The following BPHL variants were observed in gnomAD, a reference collection of about 807,000 sequenced individuals.
The protein encoded by BPHL is biphenyl hydrolase like.
Under a neutral mutation model 31.2 loss-of-function variants are expected in BPHL, and 27 were observed. That is an observed-to-expected ratio of 0.87 (90% CI 0.64 to 1.19). BPHL has a LOEUF of 1.19. Among genes scored for constraint, BPHL ranks in the 50% most tolerant of loss-of-function variants. The pLI is 0.00. For synonymous variants in BPHL, 150 were observed against 146.8 expected, an observed-to-expected ratio of 1.02 and a Z score of -0.16; for missense variants, 356 against 375.7, an observed-to-expected ratio of 0.95 and a Z score of 0.43.
At chr6:3,126,121 C>A (rs932051335) in intron 2 of BPHL, among the ~76,000 whole-genome samples, 10 of 152,168 alleles carry the variant, frequency 6.6e-5, no homozygotes, top group Non-Finnish European at 1.5e-4. Context: ...TCATACTGTT[C>A]TGATGAAACT....
At chr6:3,146,255 C>T (rs1174912603) in intron 6 of BPHL, among the ~76,000 whole-genome samples, 6 of 12,228 alleles carry the variant, frequency 4.9e-4, no homozygotes, top group African/African-American at 8.6e-4. Context: ...TGATTCGGGT[C>T]GGAGTGCTGG....
chr6:3,143,035 A>G (rs921637259), intron 6 of BPHL, among the ~76,000 whole-genome samples: 1 of 152,166 alleles, frequency 6.6e-6, no homozygotes, highest in African/African-American at 2.4e-5. Context: ...CCTGGCCATC[A>G]TGGTGAAACC....
intron 1 of BPHL, among the ~76,000 whole-genome samples, chr6:3,122,721 A>T (rs1270086807): frequency 6.6e-6 from 1 of 152,174 alleles, no homozygotes; most frequent in Non-Finnish European, 1.5e-5. Context: ...AGGCTTATGG[A>T]CAGGGCTACT....
At chr6:3,128,810 G>T (rs766362196) in intron 3 of BPHL, among the ~76,000 whole-genome samples, 3 of 152,242 alleles carry the variant, frequency 2.0e-5, no homozygotes, top group African/African-American at 7.2e-5. Flanking sequence ...ACCAGAAGAT[G>T]TAGTTCCCTC....
intron 4 of BPHL, among the ~76,000 whole-genome samples, chr6:3,136,586 G>A (rs542009947): frequency 1.3e-3 from 205 of 152,314 alleles, no homozygotes; most frequent in African/African-American, 4.6e-3. Context: ...GACGTTGTCC[G>A]GGACTCTGTA....
At chr6:3,143,403 TTCTC>T (rs1308602899) in intron 6 of BPHL, among the ~76,000 whole-genome samples, 3 of 152,214 alleles carry the variant, frequency 2.0e-5, no homozygotes, top group Non-Finnish European at 2.9e-5. Context: ...ATTTGTCTCT[TTCTC>T]TCTTCTCTCT....
At position 3,140,541 on chromosome 6, in the gene BPHL, C is replaced by T. The variant is rs781591140; in HGVS notation, c.788+32C>T. The T allele has an allele frequency of 1.6e-5, 26 of 1,610,610 alleles. No homozygotes were observed. The East Asian group carries it at 4.5e-4, about 28-fold the overall frequency. On this transcript the variant is annotated intron_variant, in intron 6 of 6. Transcript: ENST00000380379. This position sits in a 1 kb window ranked among gnomAD's most constrained non-coding sequence, Gnocchi z 5.2. ...CCTGTCACCGCCTTCACACTCCCCCCGAGAGCCTCGGAGTCAATGGGCAAA... is the reference window on the plus strand; with the variant it reads ...CCTGTCACCGCCTTCACACTCCCCCTGAGAGCCTCGGAGTCAATGGGCAAA...
chr6:3,129,159 A>G lies in BPHL; in HGVS notation c.493A>G (p.Asn165Asp), dbSNP rs145084310. The change falls in exon 4 of 7, where the codon AAC (asparagine) becomes GAC (aspartate). Residue 165 changes from asparagine (N) to aspartate (D), a missense_variant. Asn to Asp is a conservative substitution (Grantham distance 23, BLOSUM62 1). Transcript: ENST00000380379. ...CCACAAGATGGTGATCTGGGGCGCC[A>G]ACGCCTACGTCACTGACGAAGACAG... ...YIHKMVIWGA[N>D]AYVTDEDSMI... 405 of 1,609,418 alleles carry G rather than the reference A, an allele frequency of 2.5e-4. No homozygotes were observed. The highest frequency in any genetic ancestry group is 3.3e-4 in the Non-Finnish European group (389 of 1,177,376).
intron 1 of BPHL, among the ~76,000 whole-genome samples, chr6:3,123,043 G>A (rs769682276): frequency 1.3e-5 from 2 of 152,248 alleles, no homozygotes; most frequent in Non-Finnish European, 2.9e-5. Context: ...CCAGCTCACC[G>A]GCGTGTGCCA....
chr6:3,118,716 C>T lies in BPHL; in HGVS notation c.-25C>T. ...CGCTTGGTCTTAGCGCATGCGCACT[C>T]CCGGCAGCTACGCGACCTGTGACCA... On this transcript the variant is annotated 5_prime_UTR_variant, in exon 1 of 7. Transcript: ENST00000380379. 1.6e-6 allele frequency: 2 copies of T among 1,255,738 alleles called. No individual in the cohort carries two copies. Among genetic ancestry groups the T allele is most frequent in the South Asian group, 3.5e-5 (1 of 28,184 alleles). 77.8% of individuals were successfully genotyped at this position (1,255,738 alleles called of 1,614,324 possible).
intron 4 of BPHL, among the ~76,000 whole-genome samples, chr6:3,135,838 C>T (rs969643569): frequency 6.6e-6 from 1 of 152,150 alleles, no homozygotes; most frequent in African/African-American, 2.4e-5. Flanking sequence ...GAGCATAAAT[C>T]GAGAGCGCTT....
chr6:3,119,331 C>T (rs1761494302), intron 1 of BPHL: 1 of 1,552,796 alleles, frequency 6.4e-7, no homozygotes, highest in Admixed American at 2.0e-5. Flanking sequence ...TCACGGGTCC[C>T]GAGAGCCCTA....
At chr6:3,144,026 C>T (rs548966708) in intron 6 of BPHL, among the ~76,000 whole-genome samples, 329 of 152,350 alleles carry the variant, frequency 2.2e-3, no homozygotes, top group African/African-American at 7.5e-3. Context: ...TCCAGTTGCT[C>T]GCTCACCTAT....
chr6:3,151,687 A>G (rs901625327), intron 6 of BPHL, among the ~76,000 whole-genome samples: 3 of 152,264 alleles, frequency 2.0e-5, no homozygotes, highest in African/African-American at 7.2e-5. Flanking sequence ...TCATCCTAGA[A>G]GCTTTACCAC....
chr6:3,153,554 T>A lies in BPHL; in HGVS notation c.*979T>A. ...AGAAATCCTACATTGCTATTAAAAT[T>A]AAACTTTGATTACCACAATAAAAAC... On this transcript the variant is annotated 3_prime_UTR_variant, in exon 7 of 7. Transcript: ENST00000380379. The A allele has an allele frequency of 2.1e-6, 1 of 487,092 alleles. No individual in the cohort carries two copies. The highest frequency in any genetic ancestry group is 3.6e-6 in the Non-Finnish European group (1 of 275,348). The allele number at this position is 487,092 out of a possible 1,614,324, so 30.2% of individuals were successfully genotyped here.
At chr6:3,141,684 T>A (rs1762182133) in intron 6 of BPHL, among the ~76,000 whole-genome samples, 1 of 152,036 alleles carries the variant, frequency 6.6e-6, no homozygotes, top group African/African-American at 2.4e-5. Context: ...TTAAATTGAT[T>A]TAGTAGGGGC....
At chr6:3,138,143 C>T in intron 5 of BPHL, 1 of 534,096 alleles carries the variant, frequency 1.9e-6, no homozygotes, top group South Asian at 1.7e-5. Context: ...CTCAGCCTCC[C>T]AAGTAGCTGG....
chr6:3,118,451 G>A, upstream of BPHL: 1 of 297,304 alleles, frequency 3.4e-6, no homozygotes. Context: ...GAGCGAGGGC[G>A]GGGCAGCGCC....
At chr6:3,141,806 T>G (rs1762185761) in intron 6 of BPHL, among the ~76,000 whole-genome samples, 1 of 151,972 alleles carries the variant, frequency 6.6e-6, no homozygotes, top group Non-Finnish European at 1.5e-5. Context: ...AAACCCCATC[T>G]GTACTAAAAA....
Sources: allele counts gnomAD v4.1 joint callset (sites outside exome capture counted in the v4.1 genomes callset), GRCh38; gene constraint gnomAD v4.1.1; non-coding constraint Gnocchi (gnomAD v3.1); transcripts MANE v1.5; gene names NCBI Gene and HGNC (gene_info 2026-07-23, HGNC 2026-07-21).